FNIP1: variants seen among roughly 807,000 people sequenced by gnomAD.
FNIP1 encodes the protein folliculin-interacting protein 1.
Under a neutral mutation model 124.5 loss-of-function variants are expected in FNIP1, and 40 were observed. That is an observed-to-expected ratio of 0.32 (90% CI 0.25 to 0.42). FNIP1 has a LOEUF of 0.42. Ranked by LOEUF, FNIP1 falls within the 10% of genes least tolerant of loss-of-function variation. The probability of loss-of-function intolerance (pLI) is 1.00; values close to 1 mark genes in which losing one functional copy is unlikely to be tolerated. For missense variants in FNIP1, 1,176 were observed against 1,403.7 expected (o/e 0.84, Z 2.59); for synonymous variants, 472 against 470.6 (o/e 1.00, Z -0.04).
At chr5:131,651,059 T>A (rs1580725943) in intron 16 of FNIP1, among the ~76,000 whole-genome samples, 1 of 151,454 alleles carries the variant, frequency 6.6e-6, no homozygotes, top group East Asian at 1.9e-4. Flanking sequence ...TGGGCTGCCA[T>A]AACAAAGTAT....
intron 2 of FNIP1, among the ~76,000 whole-genome samples, chr5:131,735,747 A>T (rs11953786): frequency 0.43 from 65,472 of 150,676 alleles, 17,407 homozygotes; most frequent in Non-Finnish European, 0.59. Context: ...GACCTCTCTA[A>T]ACCTTAATTT....
chr5:131,729,507 G>A (rs763864155), intron 3 of FNIP1, among the ~76,000 whole-genome samples: 11 of 152,146 alleles, frequency 7.2e-5, no homozygotes, highest in Admixed American at 2.0e-4. Context: ...GAAATCACCC[G>A]CCTTCTGCGC....
intron 11 of FNIP1, among the ~76,000 whole-genome samples, chr5:131,689,101 C>T (rs1350629359): frequency 6.7e-6 from 1 of 150,068 alleles, no homozygotes; most frequent in African/African-American, 2.4e-5. Context: ...CAAAAACAAC[C>T]TTACCTATAG....
At chr5:131,781,626 T>A (rs1399067196) in intron 1 of FNIP1, among the ~76,000 whole-genome samples, 1 of 152,164 alleles carries the variant, frequency 6.6e-6, no homozygotes, top group Non-Finnish European at 1.5e-5. Context: ...TTTAACTGAG[T>A]ATTTTAAGCC....
intron 1 of FNIP1, among the ~76,000 whole-genome samples, chr5:131,779,159 A>G (rs77109964): frequency 2.0e-5 from 3 of 151,772 alleles, no homozygotes; most frequent in Non-Finnish European, 4.4e-5. Flanking sequence ...AAAAAAAAAA[A>G]AAAGAAAAAG....
chr5:131,692,422 G>T (rs1245484091), intron 11 of FNIP1, among the ~76,000 whole-genome samples: 1 of 151,870 alleles, frequency 6.6e-6, no homozygotes, highest in Non-Finnish European at 1.5e-5. Context: ...AAATAAATGG[G>T]AATAGTTTCC....
At chr5:131,661,811 C>T (rs1454092138) in intron 15 of FNIP1, among the ~76,000 whole-genome samples, 1 of 152,072 alleles carries the variant, frequency 6.6e-6, no homozygotes, top group Non-Finnish European at 1.5e-5. Context: ...CTTCTGGCCT[C>T]TCTCTCTCTG....
chr5:131,776,399 A>G (rs1238622372), intron 1 of FNIP1, among the ~76,000 whole-genome samples: 2 of 152,244 alleles, frequency 1.3e-5, no homozygotes, highest in Admixed American at 1.3e-4. Flanking sequence ...CAGCTAAAGT[A>G]TTCAGCATCT....
chr5:131,784,159 T>A (rs759159102), intron 1 of FNIP1, among the ~76,000 whole-genome samples: 1 of 152,100 alleles, frequency 6.6e-6, no homozygotes, highest in Admixed American at 6.5e-5. Context: ...AAAGGACATA[T>A]CCAGGAGGAA....
chr5:131,706,693 C>A, intron 8 of FNIP1, 147 bp from the exon 9 acceptor site: 1 of 825,228 alleles, frequency 1.2e-6, no homozygotes. Flanking sequence ...ACACATCCTT[C>A]TTGTAGCAAG....
intron 3 of FNIP1, among the ~76,000 whole-genome samples, chr5:131,726,701 C>T (rs762468117): frequency 6.6e-6 from 1 of 152,100 alleles, no homozygotes; most frequent in Non-Finnish European, 1.5e-5. Context: ...TTGTCTTCTG[C>T]TAGCTTTTGA....
chr5:131,684,991 T>G (rs1319170104), intron 11 of FNIP1, among the ~76,000 whole-genome samples: 5 of 152,210 alleles, frequency 3.3e-5, no homozygotes. Flanking sequence ...AAACATATAA[T>G]GTACCCACAA....
intron 1 of FNIP1, among the ~76,000 whole-genome samples, chr5:131,777,397 G>T (rs1771846668): frequency 6.6e-6 from 1 of 151,858 alleles, no homozygotes; most frequent in East Asian, 1.9e-4. Flanking sequence ...AAAGGAACTG[G>T]AATCGCTGGG....
intron 6 of FNIP1, among the ~76,000 whole-genome samples, chr5:131,713,695 AC>A (rs1769376338): frequency 1.3e-5 from 2 of 152,334 alleles, no homozygotes; most frequent in South Asian, 4.1e-4. Flanking sequence ...AGTGAATAGC[AC>A]CAATATACAT....
intron 3 of FNIP1, among the ~76,000 whole-genome samples, chr5:131,724,552 G>T (rs1267665205): frequency 2.0e-5 from 3 of 151,930 alleles, no homozygotes; most frequent in African/African-American, 7.3e-5. Flanking sequence ...CTTTTTGATG[G>T]GGTTGTTTGT....
Position 131,662,665 on chromosome 5 carries a change from C to A in FNIP1, c.3108+7798G>T, listed in dbSNP as rs1032419983. 7.9e-5 allele frequency among the ~76,000 whole-genome samples: 12 copies of A among 151,746 alleles called. No individual in the cohort carries two copies. The East Asian group carries it at 1.7e-3, about 22-fold the overall frequency. ...TGCCATTTATTGATTCTTTTCCCTT[C>A]CATGCACAGCTTCTCATTTCTTATC... is the stretch of plus-strand genomic sequence containing the variant. On this transcript the variant is annotated intron_variant, in intron 15 of 17. Coordinates refer to ENST00000510461, the MANE Select transcript of FNIP1 (RefSeq NM_133372.3).
intron 16 of FNIP1, 29 bp downstream of exon 16, chr5:131,651,773 G>A: frequency 6.2e-7 from 1 of 1,601,956 alleles, no homozygotes; most frequent in Non-Finnish European, 8.5e-7. Context: ...AGTGCTTAAA[G>A]TAATGCAAGC....
At chr5:131,748,675 C>T (rs551345163) in intron 1 of FNIP1, among the ~76,000 whole-genome samples, 277 of 121,310 alleles carry the variant, frequency 2.3e-3, no homozygotes, top group African/African-American at 8.2e-3. Context: ...CCAGCCTGGG[C>T]GACAGAGTGA....
chr5:131,677,067 CTCTTT>C (rs1319956991), intron 13 of FNIP1, among the ~76,000 whole-genome samples: 1 of 152,216 alleles, frequency 6.6e-6, no homozygotes, highest in Non-Finnish European at 1.5e-5. Flanking sequence ...CATGTATTAT[CTCTTT>C]TAATTTTTAC....
Sources: gnomAD v4.1 joint callset for allele counts (sites outside exome capture counted in the v4.1 genomes callset) on GRCh38, gnomAD v4.1.1 for gene constraint, MANE v1.5 for transcripts, NCBI Gene and HGNC (gene_info 2026-07-23, HGNC 2026-07-21) for gene names.